ASIC2: variants seen among roughly 807,000 people sequenced by gnomAD.
ASIC2 encodes the protein acid sensing ion channel subunit 2.
Under a neutral mutation model 57.3 loss-of-function variants are expected in ASIC2, and 25 were observed. The observed-to-expected ratio is 0.44, with a 90% CI of 0.32 to 0.61. The LOEUF (loss-of-function observed/expected upper bound fraction) is 0.61, where lower values mean the gene tolerates loss of function less well. Among genes scored for constraint, ASIC2 ranks in the 20% least tolerant of loss-of-function variants. The probability of loss-of-function intolerance (pLI) is 0.06; values close to 1 mark genes in which losing one functional copy is unlikely to be tolerated. For synonymous variants in ASIC2, 319 were observed against 307.5 expected (o/e 1.04, Z -0.39); for missense variants, 641 against 738.1 (o/e 0.87, Z 1.52).
Position 33,629,477 on chromosome 17 carries a change from G to A in ASIC2, c.556-517410C>T, listed in dbSNP as rs565780265. 4.6e-5 allele frequency among the ~76,000 whole-genome samples: 7 copies of A among 152,296 alleles called. No homozygotes were observed. The South Asian group carries it at 1.2e-3, about 27-fold the overall frequency. On this transcript the variant is annotated intron_variant, in intron 1 of 9. Coordinates refer to the ASIC2 transcript ENST00000359872. ...TTTTTATAAAGTATCTATAAAAATA[G>A]ATAGGTTAGGGAGCTAGTGTTGACC...
At chr17:33,103,749 C>G (rs767652852) in intron 2 of ASIC2, among the ~76,000 whole-genome samples, 1 of 152,092 alleles carries the variant, frequency 6.6e-6, no homozygotes, top group African/African-American at 2.4e-5. Flanking sequence ...GCTGAGGGTC[C>G]CACTACTCAG....
chr17:33,671,631 G>C (rs934438409), intron 1 of ASIC2, among the ~76,000 whole-genome samples: 5 of 152,186 alleles, frequency 3.3e-5, no homozygotes, highest in Non-Finnish European at 5.9e-5. Flanking sequence ...TTCTCAGCCT[G>C]CGTGGACATC....
intron 1 of ASIC2, among the ~76,000 whole-genome samples, chr17:34,148,493 T>C (rs944439749): frequency 1.3e-5 from 2 of 152,234 alleles, no homozygotes; most frequent in African/African-American, 2.4e-5. Context: ...TCCTAAGGAA[T>C]ATGAAAAATC....
Position 33,128,154 on chromosome 17 carries a change from C to T in ASIC2, c.709-16087G>A, listed in dbSNP as rs75934235. Reference sequence around the variant, plus strand: ...CTTCCCTGACAACCTACCCACTGCTCGGAATGGCTGACATGCCCTCCTGGG... The same window carrying T: ...CTTCCCTGACAACCTACCCACTGCTTGGAATGGCTGACATGCCCTCCTGGG... On this transcript the variant is annotated intron_variant, in intron 1 of 9. Transcript: ENST00000225823. 5.6e-4 allele frequency among the ~76,000 whole-genome samples: 86 copies of T among 152,362 alleles called. 1 individual carries two copies. The East Asian group carries it at 0.012, about 22-fold the overall frequency.
rs114399216 is a variant in ASIC2 at position 33,737,062 on chromosome 17, A to G, written c.555+418916T>C. Among the ~76,000 whole-genome samples, 652 of 152,352 alleles carry G rather than the reference A, an allele frequency of 4.3e-3. 4 individuals carry two copies. Among genetic ancestry groups the G allele is most frequent in the African/African-American group, 0.015 (623 of 41,572 alleles). On this transcript the variant is annotated intron_variant, in intron 1 of 9. Coordinates refer to the ASIC2 transcript ENST00000359872. The stretch of plus-strand genomic sequence containing the variant: ...TATTTTATTGTTTGGAGACACCACA[A>G]TCTATTCATCTATTCCTGTATTGGT...
intron 1 of ASIC2, among the ~76,000 whole-genome samples, chr17:33,343,613 T>G (rs563151844): frequency 3.9e-5 from 6 of 152,300 alleles, no homozygotes; most frequent in African/African-American, 1.4e-4. Flanking sequence ...TTCTAACTGG[T>G]GGGTTGACAT....
intron 2 of ASIC2, among the ~76,000 whole-genome samples, chr17:33,090,715 C>T (rs547136960): frequency 2.6e-5 from 4 of 151,996 alleles, no homozygotes; most frequent in South Asian, 2.1e-4. Flanking sequence ...GGTCCAGCCA[C>T]GGGAAAGGCA....
chr17:34,020,300 G>A (rs2142028113), intron 1 of ASIC2, among the ~76,000 whole-genome samples: 1 of 152,284 alleles, frequency 6.6e-6, no homozygotes, highest in Admixed American at 6.5e-5. Context: ...CCGCCTGGCA[G>A]CCTCTTTACT....
At chr17:33,255,880 G>A (rs1909048629) in intron 1 of ASIC2, among the ~76,000 whole-genome samples, 1 of 152,082 alleles carries the variant, frequency 6.6e-6, no homozygotes, top group South Asian at 2.1e-4. Flanking sequence ...TTAGGGAAAA[G>A]TTGCAAGAAT....
Position 33,586,535 on chromosome 17 carries a change from C to T in ASIC2, c.556-474468G>A, listed in dbSNP as rs943073533. 3.9e-5 allele frequency among the ~76,000 whole-genome samples: 6 copies of T among 152,302 alleles called. No individual in the cohort carries two copies. The South Asian group carries it at 6.2e-4, about 16-fold the overall frequency. On this transcript the variant is annotated intron_variant, in intron 1 of 9. Transcript: ENST00000359872. Reference sequence around the variant, plus strand: ...TTCTTCCCAGGCTTTCAAGACCCTGCGTGATCTGGACCCTACATATTCTTG... The same window carrying T: ...TTCTTCCCAGGCTTTCAAGACCCTGTGTGATCTGGACCCTACATATTCTTG...
chr17:33,015,085 G>C (rs149676225), intron 9 of ASIC2, among the ~76,000 whole-genome samples: 1 of 152,156 alleles, frequency 6.6e-6, no homozygotes, highest in Non-Finnish European at 1.5e-5. Flanking sequence ...GCAGGGGACC[G>C]GAGAATCAAA....
In ASIC2 at chr17:33,037,412, T is replaced by TTTTG. The variant is rs1555564724; in HGVS notation, c.988-9021_988-9020insCAAA. ...CTCTTTTTTTTTTTTTTTTTTTTTT[T>TTTTG]GCAGAGGTCATGATTCAGATACCCC... On this transcript the variant is annotated intron_variant, in intron 3 of 9. Transcript: ENST00000225823. Among the ~76,000 whole-genome samples the TTTTG allele has an allele frequency of 1.6e-4, 21 of 128,652 alleles. 3 individuals are homozygous for TTTTG. Among genetic ancestry groups the TTTTG allele is most frequent in the East Asian group, 2.3e-4 (1 of 4,396 alleles). The allele number at this position is 128,652 out of a possible 152,430, so 84.4% of individuals were successfully genotyped here.
At chr17:33,676,988 T>G (rs1269110933) in intron 1 of ASIC2, among the ~76,000 whole-genome samples, 1 of 152,170 alleles carries the variant, frequency 6.6e-6, no homozygotes, top group Non-Finnish European at 1.5e-5. Context: ...GCTTGCACCT[T>G]CTTTTGCCAT....
At chr17:33,790,400 A>T (rs919911107) in intron 1 of ASIC2, among the ~76,000 whole-genome samples, 7 of 152,220 alleles carry the variant, frequency 4.6e-5, no homozygotes, top group Admixed American at 6.5e-5. Flanking sequence ...CCACCCAAAA[A>T]CATAGAAAAA....
chr17:33,678,692 G>A (rs765304182), intron 1 of ASIC2, among the ~76,000 whole-genome samples: 19 of 152,206 alleles, frequency 1.2e-4, no homozygotes, highest in African/African-American at 4.6e-4. Flanking sequence ...CCTGAGGTTC[G>A]GTGAGGAGTT....
chr17:33,495,348 C>A (rs1434849368), intron 1 of ASIC2, among the ~76,000 whole-genome samples: 3 of 152,200 alleles, frequency 2.0e-5, no homozygotes, highest in Non-Finnish European at 4.4e-5. Flanking sequence ...GTGCAGGCAG[C>A]ATTCGTCCTG....
intron 1 of ASIC2, among the ~76,000 whole-genome samples, chr17:33,397,050 C>T (rs1372930206): frequency 6.6e-6 from 1 of 152,222 alleles, no homozygotes; most frequent in Non-Finnish European, 1.5e-5. Flanking sequence ...TATTCCGAGT[C>T]ATCCCTCTGT....
intron 1 of ASIC2, among the ~76,000 whole-genome samples, chr17:33,775,826 G>A (rs1170759880): frequency 6.6e-6 from 1 of 152,166 alleles, no homozygotes; most frequent in African/African-American, 2.4e-5. Flanking sequence ...ATTCCTATAG[G>A]GTTGGTGTTA....
chr17:34,095,658 T>A (rs1286565412), intron 1 of ASIC2, among the ~76,000 whole-genome samples: 135 of 98,394 alleles, frequency 1.4e-3, no homozygotes, highest in African/African-American at 6.4e-3. Flanking sequence ...TATATATAAT[T>A]TTATATATAT....
Sources: gnomAD v4.1 joint callset for allele counts (sites outside exome capture counted in the v4.1 genomes callset) on GRCh38, gnomAD v4.1.1 for gene constraint, MANE v1.5 for transcripts, NCBI Gene and HGNC (gene_info 2026-07-23, HGNC 2026-07-21) for gene names.